The following CCDC77 variants were observed in gnomAD, a reference collection of about 807,000 sequenced individuals.
CCDC77 encodes coiled-coil domain containing 77.
A neutral mutation model predicts 66.8 loss-of-function variants in CCDC77; 56 were observed. The observed-to-expected ratio is 0.84, with a 90% CI of 0.68 to 1.05. CCDC77 has a LOEUF of 1.05. Ranked by LOEUF, CCDC77 falls within the 50% of genes least tolerant of loss-of-function variation. CCDC77 has a pLI of 0.00. For missense variants in CCDC77, 570 were observed against 576.8 expected (o/e 0.99, Z 0.12); for synonymous variants, 196 against 195.2 (o/e 1.00, Z -0.03).
intron 1 of CCDC77, among the ~76,000 whole-genome samples, chr12:405,162 AC>A (rs1325735674): frequency 2.0e-5 from 3 of 152,264 alleles, no homozygotes; most frequent in Non-Finnish European, 4.4e-5. Context: ...AACCTTGAAA[AC>A]ATTATGCTAA....
At chr12:393,954 TATA>T (rs1414317854) in intron 1 of CCDC77, among the ~76,000 whole-genome samples, 6 of 152,340 alleles carry the variant, frequency 3.9e-5, no homozygotes, top group Admixed American at 3.3e-4. Flanking sequence ...TGTATTATTA[TATA>T]ATATCAAAAA....
chr12:395,803 A>G (rs1944821467), intron 1 of CCDC77, among the ~76,000 whole-genome samples: 1 of 152,174 alleles, frequency 6.6e-6, no homozygotes, highest in East Asian at 1.9e-4. Context: ...CTAAGGCAAG[A>G]GAATCGCTTG....
chr12:393,371 C>G (rs960103117), intron 1 of CCDC77, among the ~76,000 whole-genome samples: 2 of 152,170 alleles, frequency 1.3e-5, no homozygotes, highest in Non-Finnish European at 2.9e-5. Context: ...CCTCGGCCCC[C>G]CAAAGTGCTG....
In CCDC77 at chr12:393,937, G is replaced by A. The variant is rs560621093; in HGVS notation, c.-113+4451G>A. 2.6e-5 allele frequency among the ~76,000 whole-genome samples: 4 copies of A among 152,174 alleles called. No individual in the cohort carries two copies. The South Asian group carries it at 8.3e-4, about 32-fold the overall frequency. ...ACTGAGTTATACGGCTTTTCCTAAT[G>A]TTGACATGTATTATTATATAATATC... On this transcript the variant is annotated intron_variant, in intron 1 of 11. Coordinates refer to the CCDC77 transcript ENST00000422000.
intron 4 of CCDC77, among the ~76,000 whole-genome samples, chr12:413,537 CCT>C (rs1945158451): frequency 6.6e-6 from 1 of 151,920 alleles, no homozygotes. Flanking sequence ...CTGCGCCCGG[CCT>C]CTCTAGCTAC....
intron 5 of CCDC77, among the ~76,000 whole-genome samples, chr12:423,338 C>G (rs1263268481): frequency 6.8e-6 from 1 of 146,742 alleles, no homozygotes; most frequent in African/African-American, 2.5e-5. Context: ...CAAGGTTTCA[C>G]CATGTTTCCC....
At position 438,558 on chromosome 12, in the gene CCDC77, A is replaced by T. The variant is rs1309999592; in HGVS notation, c.1041+4A>T. ...TGCTCAAAGTGAATATATTAAGGTAATGTCCTTATGTCGTAACGAAGTTGT... is the reference window on the plus strand; with the variant it reads ...TGCTCAAAGTGAATATATTAAGGTATTGTCCTTATGTCGTAACGAAGTTGT... On this transcript the variant is annotated splice_donor_region_variant and intron_variant, in intron 10 of 12. Coordinates refer to ENST00000239830, the MANE Select transcript of CCDC77 (RefSeq NM_032358.4). 6.3e-7 allele frequency: 1 copy of T among 1,585,366 alleles called. No individual in the cohort carries two copies. The highest frequency in any genetic ancestry group is 1.4e-5 in the African/African-American group (1 of 73,730).
chr12:415,904 C>T (rs988458295), intron 4 of CCDC77, among the ~76,000 whole-genome samples: 10 of 151,974 alleles, frequency 6.6e-5, no homozygotes, highest in Non-Finnish European at 8.8e-5. Context: ...CTCCCAGGTT[C>T]AAGCAATTCT....
chr12:435,247 A>G (rs1405551309), intron 9 of CCDC77, among the ~76,000 whole-genome samples: 1 of 149,354 alleles, frequency 6.7e-6, no homozygotes, highest in Non-Finnish European at 1.5e-5. Context: ...TCCGTTTCCA[A>G]ATGCTCCCAT....
At chr12:423,478 T>TTTC (rs1945463192) in intron 5 of CCDC77, among the ~76,000 whole-genome samples, 1 of 17,798 alleles carries the variant, frequency 5.6e-5, no homozygotes, top group Non-Finnish European at 1.0e-4. Context: ...GTGTTTTTTG[T>TTTC]GTTTTTTTTT....
At chr12:436,376 G>A (rs527909955) in intron 9 of CCDC77, among the ~76,000 whole-genome samples, 13 of 151,500 alleles carry the variant, frequency 8.6e-5, no homozygotes, top group African/African-American at 2.9e-4. Flanking sequence ...TGCCCGCCTC[G>A]GCCTCCCAAA....
chr12:432,035 A>G (rs973875829), intron 8 of CCDC77, 81 bp downstream of exon 8: 7 of 796,052 alleles, frequency 8.8e-6, no homozygotes, highest in African/African-American at 1.7e-5. Context: ...GTGTCATGTG[A>G]TAAGTATCTC....
intron 7 of CCDC77, among the ~76,000 whole-genome samples, chr12:431,493 GCACTGAGATT>G (rs1945651616): frequency 6.6e-6 from 1 of 152,068 alleles, no homozygotes; most frequent in Admixed American, 6.5e-5. Flanking sequence ...GCCTCCCAAA[GCACTGAGATT>G]ACAGGCATGA....
intron 5 of CCDC77, among the ~76,000 whole-genome samples, chr12:427,137 C>A (rs141571570): frequency 1.3e-5 from 2 of 151,934 alleles, no homozygotes; most frequent in Admixed American, 1.3e-4. Flanking sequence ...CCCAGCTACT[C>A]GGGAGGCTGA....
At chr12:397,337 T>A (rs188545361), upstream of CCDC77, among the ~76,000 whole-genome samples, 5 of 152,046 alleles carry the variant, frequency 3.3e-5, no homozygotes, top group Non-Finnish European at 5.9e-5. Flanking sequence ...TTTTTAAAAA[T>A]TGCAGGGGCT....
At chr12:391,529 AAG>A (rs1434274763) in intron 1 of CCDC77, among the ~76,000 whole-genome samples, 2 of 152,230 alleles carry the variant, frequency 1.3e-5, no homozygotes, top group African/African-American at 4.8e-5. Context: ...TATTCGGAAA[AAG>A]AAATAATGGA....
intron 1 of CCDC77, among the ~76,000 whole-genome samples, chr12:391,388 G>C (rs1360333778): frequency 6.6e-6 from 1 of 151,954 alleles, no homozygotes; most frequent in East Asian, 1.9e-4. Flanking sequence ...CCAGGAGGTG[G>C]AAGTTGTAGT....
Position 411,805 on chromosome 12 carries a change from A to C in CCDC77, c.97A>C (p.Met33Leu). 6.2e-7 allele frequency: 1 copy of C among 1,614,136 alleles called. No homozygotes were observed. Among genetic ancestry groups the C allele is most frequent in the Non-Finnish European group, 8.5e-7 (1 of 1,180,014 alleles). Residue 33 changes from methionine (M) to leucine (L), a missense_variant, in exon 4 of 13, where the codon ATG (methionine) becomes CTG (leucine). Physicochemically the swap from Met to Leu is conservative, Grantham distance 15. Coordinates refer to ENST00000239830, the MANE Select transcript of CCDC77 (RefSeq NM_032358.4). ...AVSGPTKRRG[M>L]ADSLESTPLP... ...CAGTGGTCCCACCAAGAGGAGGGGA[A>C]TGGCAGATTCACTGGAGTCAACCCC... is the stretch of plus-strand genomic sequence containing the variant.
intron 5 of CCDC77, among the ~76,000 whole-genome samples, chr12:423,505 T>TG (rs1945472769): frequency 1.8e-5 from 2 of 108,498 alleles, no homozygotes; most frequent in African/African-American, 3.8e-5. Context: ...TTTTTTTTTT[T>TG]TTTTTTTTGA....
Sources: allele counts gnomAD v4.1 joint callset (sites outside exome capture counted in the v4.1 genomes callset), GRCh38; gene constraint gnomAD v4.1.1; transcripts MANE v1.5; gene names NCBI Gene and HGNC (gene_info 2026-07-23, HGNC 2026-07-21).